Variants in MTERF4 observed in about 807,000 individuals in gnomAD.
MTERF4 encodes mitochondrial transcription termination factor 4.
MTERF4 carries 17 observed loss-of-function variants against 22.5 expected under a neutral mutation model. The observed-to-expected ratio is 0.75, with a 90% CI of 0.52 to 1.13. The LOEUF (loss-of-function observed/expected upper bound fraction) is 1.13. Ranked by LOEUF, MTERF4 falls within the 50% of genes most tolerant of loss-of-function variation. The pLI is 0.00. For missense variants in MTERF4, 420 were observed against 466.8 expected (o/e 0.90, Z 0.92); for synonymous variants, 165 against 175.3 (o/e 0.94, Z 0.47).
At chr2:241,088,354 A>G (rs762779564), downstream of MTERF4, 8 of 1,602,510 alleles carry the variant, frequency 5.0e-6, 1 homozygote, top group South Asian at 8.8e-5. Flanking sequence ...ACTTTTCTCT[A>G]ATTATTTCAG....
At chr2:241,072,036 C>T (rs781728494), downstream of MTERF4, 18 of 734,098 alleles carry the variant, frequency 2.5e-5, no homozygotes, top group East Asian at 8.0e-5. Flanking sequence ...GCGCGGGGCT[C>T]GTGGGCCGCC....
chr2:241,053,278 C>T, the MTERF4 span: 12 of 1,601,610 alleles, frequency 7.5e-6, no homozygotes, highest in East Asian at 4.5e-5. Context: ...CAGCCGCATC[C>T]GGGTCTGCCA....
chr2:241,079,367 G>A (rs1248103338), intron 4 of MTERF4, among the ~76,000 whole-genome samples: 6 of 147,934 alleles, frequency 4.1e-5, no homozygotes, highest in African/African-American at 1.5e-4. Context: ...AGCCAAGATC[G>A]CCCCACTGCA....
chr2:241,078,284 G>C (rs958025783), intron 4 of MTERF4, among the ~76,000 whole-genome samples: 1 of 151,266 alleles, frequency 6.6e-6, no homozygotes, highest in Admixed American at 6.6e-5. Context: ...TCAGGAGGCT[G>C]AGGCAGGAGA....
At chr2:241,050,634 C>A in the MTERF4 span, among the ~76,000 whole-genome samples, 7 of 152,236 alleles carry the variant, frequency 4.6e-5, no homozygotes, top group Non-Finnish European at 8.8e-5. Flanking sequence ...GCTCCCCCAA[C>A]CACTGCAGCA....
chr2:241,068,000 T>C, downstream of MTERF4: 1 of 1,434,848 alleles, frequency 7.0e-7, no homozygotes, highest in Non-Finnish European at 9.7e-7. Flanking sequence ...GGGTGGGGGC[T>C]CGGGGACACG....
the MTERF4 span, chr2:241,065,274 C>T: frequency 6.2e-7 from 1 of 1,611,308 alleles, no homozygotes; most frequent in Admixed American, 1.7e-5. Context: ...AGTCCCCTCC[C>T]CTTGTTTTGA....
chr2:241,070,452 C>T (rs984510749), downstream of MTERF4, among the ~76,000 whole-genome samples: 16 of 152,256 alleles, frequency 1.1e-4, no homozygotes, highest in Non-Finnish European at 2.1e-4. Context: ...TTGTGCCGGA[C>T]CCTCCCGTAG....
At chr2:241,087,643 C>T, downstream of MTERF4, 2 of 1,429,084 alleles carry the variant, frequency 1.4e-6, no homozygotes. Flanking sequence ...AACTGTATGT[C>T]CATATATGTG....
chr2:241,087,663 A>G, downstream of MTERF4: 1 of 1,392,464 alleles, frequency 7.2e-7, no homozygotes, highest in Non-Finnish European at 9.3e-7. Flanking sequence ...GCATGTGAGC[A>G]TACCCAGAGG....
At chr2:241,061,443 G>A in the MTERF4 span, among the ~76,000 whole-genome samples, 1 of 152,184 alleles carries the variant, frequency 6.6e-6, no homozygotes, top group African/African-American at 2.4e-5. Flanking sequence ...TGAAAACAAT[G>A]TGGCACTCTG....
chr2:241,096,624 T>A lies in MTERF4; in HGVS notation c.706-186A>T. ...CAGCAGTTTCAAAACACTTTCAAATTCATCCTGAGAAACATGGAGCAGGAA... is the reference window on the plus strand; with the variant it reads ...CAGCAGTTTCAAAACACTTTCAAATACATCCTGAGAAACATGGAGCAGGAA... On this transcript the variant is annotated intron_variant, in intron 3 of 3. Coordinates refer to ENST00000391980, the MANE Select transcript of MTERF4 (RefSeq NM_182501.4). The surrounding 1 kb of genome is among the most constrained non-coding windows in gnomAD (Gnocchi z 5.1). 1.4e-6 allele frequency: 1 copy of A among 721,254 alleles called. No individual in the cohort carries two copies. Among genetic ancestry groups the A allele is most frequent in the African/African-American group, 1.7e-5 (1 of 57,230 alleles). The allele number at this position is 721,254 out of a possible 1,614,324, so 44.7% of individuals were successfully genotyped here. A position where few individuals can be genotyped will look rare whatever the true frequency, so the allele number is the denominator to read the frequency against.
the MTERF4 span, among the ~76,000 whole-genome samples, chr2:241,056,580 A>ATTTTTTTTTTTTTTTTTT: frequency 9.0e-6 from 1 of 111,224 alleles, no homozygotes; most frequent in African/African-American, 3.9e-5. Context: ...AATAAGTGAA[A>ATTTTTTTTTTTTTTTTTT]TTTTTTTTTT....
At chr2:241,063,592 G>A in the MTERF4 span, 1 of 1,605,272 alleles carries the variant, frequency 6.2e-7, no homozygotes, top group Non-Finnish European at 8.5e-7. Flanking sequence ...TGCAGAGAGG[G>A]ATGAGTGCCG....
the MTERF4 span, chr2:241,051,473 G>T: frequency 2.7e-6 from 1 of 367,520 alleles, no homozygotes; most frequent in Non-Finnish European, 4.9e-6. The surrounding 1 kb of genome is among the most constrained non-coding windows in gnomAD (Gnocchi z 4.7). Context: ...TCCACAGGAA[G>T]GGCCCAGCCA....
the MTERF4 span, among the ~76,000 whole-genome samples, chr2:241,043,902 G>T: frequency 6.6e-6 from 1 of 152,158 alleles, no homozygotes; most frequent in Non-Finnish European, 1.5e-5. Flanking sequence ...TGGTCTGTGG[G>T]TTATAGTTTA....
At chr2:241,070,362 T>G (rs996966224), downstream of MTERF4, among the ~76,000 whole-genome samples, 11 of 152,194 alleles carry the variant, frequency 7.2e-5, no homozygotes, top group African/African-American at 2.6e-4. Flanking sequence ...AAGTGGAGGC[T>G]TTTCAAACCC....
the MTERF4 span, among the ~76,000 whole-genome samples, chr2:241,061,854 CAAAAAAAA>C: frequency 8.5e-6 from 1 of 118,112 alleles, no homozygotes; most frequent in Non-Finnish European, 1.9e-5. Context: ...TCCATCCCCC[CAAAAAAAA>C]AAAAAGAAAA....
downstream of MTERF4, among the ~76,000 whole-genome samples, chr2:241,083,681 G>A (rs922595099): frequency 2.6e-5 from 4 of 152,182 alleles, no homozygotes; most frequent in African/African-American, 9.7e-5. Context: ...GTGCCTGCTG[G>A]TGACCACCAA....
Sources: allele counts gnomAD v4.1 joint callset (sites outside exome capture counted in the v4.1 genomes callset), GRCh38; gene constraint gnomAD v4.1.1; non-coding constraint Gnocchi (gnomAD v3.1); transcripts MANE v1.5; gene names NCBI Gene and HGNC (gene_info 2026-07-23, HGNC 2026-07-21).